ULK4: variants seen among roughly 807,000 people sequenced by gnomAD.
ULK4 encodes the protein unc-51 like kinase 4.
ULK4 carries 133 observed loss-of-function variants against 160.6 expected under a neutral mutation model. The observed-to-expected ratio is 0.83, with a 90% CI of 0.72 to 0.96. The LOEUF (loss-of-function observed/expected upper bound fraction) is 0.96. ULK4 is among the 40% of genes least tolerant of loss of function. ULK4 has a pLI of 0.00. For missense variants in ULK4, 1,580 were observed against 1,499.5 expected (o/e 1.05, Z -0.89); for synonymous variants, 534 against 539.8 (o/e 0.99, Z 0.15).
At chr3:41,294,741 GAAAAT>G (rs1383416282) in intron 35 of ULK4, among the ~76,000 whole-genome samples, 2 of 152,062 alleles carry the variant, frequency 1.3e-5, no homozygotes, top group Admixed American at 6.5e-5. Context: ...AACAAGAAAA[GAAAAT>G]AAAAGATCTA....
intron 17 of ULK4, among the ~76,000 whole-genome samples, chr3:41,866,647 C>T (rs1696896752): frequency 6.6e-6 from 1 of 152,198 alleles, no homozygotes; most frequent in South Asian, 2.1e-4. Context: ...TCCTGGTCCA[C>T]AGCCCGGTTT....
intron 4 of ULK4, among the ~76,000 whole-genome samples, chr3:41,935,209 ATTTTTT>A (rs10524611): frequency 7.4e-5 from 10 of 135,608 alleles, no homozygotes; most frequent in African/African-American, 3.3e-4. Flanking sequence ...TTATTTATTT[ATTTTTT>A]TTTTTTTTTT....
Position 41,386,580 on chromosome 3 carries a change from T to TG in ULK4, c.3678+11498_3678+11499insC, listed in dbSNP as rs141639436. 6.6e-3 allele frequency among the ~76,000 whole-genome samples: 1,011 copies of TG among 152,244 alleles called. 4 individuals carry two copies. The highest frequency in any genetic ancestry group is 0.015 in the African/African-American group (620 of 41,540). On this transcript the variant is annotated intron_variant, in intron 35 of 36. Transcript: ENST00000301831. ...AGAACCCAGAACTACCTAAAACTTT[T>TG]TTGACCCTTTGCGTTCCATTTGTGG...
At chr3:41,669,143 C>A (rs981568098) in intron 29 of ULK4, among the ~76,000 whole-genome samples, 1 of 152,102 alleles carries the variant, frequency 6.6e-6, no homozygotes, top group Non-Finnish European at 1.5e-5. Context: ...AAGAAGGGTA[C>A]AATAAAATGG....
intron 2 of ULK4, among the ~76,000 whole-genome samples, chr3:41,947,050 G>T (rs568202593): frequency 6.6e-6 from 1 of 152,310 alleles, no homozygotes; most frequent in African/African-American, 2.4e-5. Context: ...CAAGAGGGCT[G>T]GGCGCAGTGG....
At chr3:41,670,517 T>G (rs1168347772) in intron 29 of ULK4, among the ~76,000 whole-genome samples, 1 of 151,950 alleles carries the variant, frequency 6.6e-6, no homozygotes, top group Non-Finnish European at 1.5e-5. Context: ...AAATGAATAG[T>G]GAAATGGACA....
chr3:41,928,992 T>C (rs577823627), intron 5 of ULK4, among the ~76,000 whole-genome samples: 2 of 151,994 alleles, frequency 1.3e-5, no homozygotes, highest in African/African-American at 4.8e-5. Context: ...ACTCATTTTA[T>C]GAGGCCAGCA....
At chr3:41,921,189 G>A (rs975187251) in intron 5 of ULK4, among the ~76,000 whole-genome samples, 2 of 152,096 alleles carry the variant, frequency 1.3e-5, no homozygotes, top group Non-Finnish European at 2.9e-5. Flanking sequence ...GAGGGCACCT[G>A]TAATCCCGGC....
intron 32 of ULK4, among the ~76,000 whole-genome samples, chr3:41,518,279 G>A (rs1575344688): frequency 6.6e-6 from 1 of 152,144 alleles, no homozygotes; most frequent in African/African-American, 2.4e-5. Flanking sequence ...CTATATATCT[G>A]TAAGTAGAAA....
At chr3:41,614,717 A>G (rs1455497309) in intron 31 of ULK4, among the ~76,000 whole-genome samples, 1 of 152,242 alleles carries the variant, frequency 6.6e-6, no homozygotes, top group Non-Finnish European at 1.5e-5. Flanking sequence ...GCTCTCCTGA[A>G]AATCTGCAGC....
chr3:41,651,505 G>A (rs1478564034), intron 30 of ULK4, among the ~76,000 whole-genome samples: 2 of 152,146 alleles, frequency 1.3e-5, no homozygotes, highest in Non-Finnish European at 2.9e-5. Context: ...ATGCCAGGAC[G>A]TTGTTTGTTT....
chr3:41,278,710 T>C (rs2079280750), intron 35 of ULK4, among the ~76,000 whole-genome samples: 1 of 152,180 alleles, frequency 6.6e-6, no homozygotes, highest in Non-Finnish European at 1.5e-5. Flanking sequence ...CTGAGGGGCC[T>C]GTTAGAAGGA....
chr3:41,565,426 A>G (rs1051907126), intron 32 of ULK4, among the ~76,000 whole-genome samples: 2 of 152,194 alleles, frequency 1.3e-5, no homozygotes, highest in African/African-American at 4.8e-5. Context: ...TAATGGCATT[A>G]AGAGGATGGG....
At chr3:41,883,293 G>A (rs1697589486) in intron 17 of ULK4, among the ~76,000 whole-genome samples, 1 of 152,126 alleles carries the variant, frequency 6.6e-6, no homozygotes, top group Non-Finnish European at 1.5e-5. Context: ...CACACAACCA[G>A]CTTCAACTCT....
chr3:41,832,302 C>CT (rs2041619281), intron 18 of ULK4, among the ~76,000 whole-genome samples: 1 of 152,176 alleles, frequency 6.6e-6, no homozygotes. Flanking sequence ...TGATAATGAG[C>CT]TTTTTTTCAT....
At chr3:41,552,336 T>C (rs755318336) in intron 32 of ULK4, among the ~76,000 whole-genome samples, 1 of 152,040 alleles carries the variant, frequency 6.6e-6, no homozygotes, top group Non-Finnish European at 1.5e-5. Context: ...TCTTTGCTAA[T>C]GATATAATCT....
intron 35 of ULK4, among the ~76,000 whole-genome samples, chr3:41,300,396 T>C (rs912371542): frequency 1.3e-5 from 2 of 152,208 alleles, no homozygotes; most frequent in Non-Finnish European, 2.9e-5. Flanking sequence ...CTCAGGTGAA[T>C]ATGCATAAGT....
At chr3:41,344,702 G>A (rs560141298) in intron 35 of ULK4, among the ~76,000 whole-genome samples, 16 of 147,932 alleles carry the variant, frequency 1.1e-4, no homozygotes, top group South Asian at 4.3e-4. Context: ...GCAGTGAGCC[G>A]CGGTCATGAT....
At chr3:41,483,909 A>C (rs1487836195) in intron 32 of ULK4, among the ~76,000 whole-genome samples, 1 of 152,180 alleles carries the variant, frequency 6.6e-6, no homozygotes, top group East Asian at 1.9e-4. Flanking sequence ...GAAGCCAAAG[A>C]ATGCAGGGGG....
Sources: allele counts gnomAD v4.1 joint callset (sites outside exome capture counted in the v4.1 genomes callset), GRCh38; gene constraint gnomAD v4.1.1; transcripts MANE v1.5; gene names NCBI Gene and HGNC (gene_info 2026-07-23, HGNC 2026-07-21).